The following THSD7B variants were observed in gnomAD, a reference collection of about 807,000 sequenced individuals.
THSD7B encodes thrombospondin type-1 domain-containing protein 7B.
Under a neutral mutation model 213.6 loss-of-function variants are expected in THSD7B, and 138 were observed. The ratio of observed to expected loss-of-function variants is 0.65; its 90% CI spans 0.56 to 0.74. The LOEUF (loss-of-function observed/expected upper bound fraction) is 0.74, where lower values mean the gene tolerates loss of function less well. Among genes scored for constraint, THSD7B ranks in the 30% least tolerant of loss-of-function variants. The pLI is 0.00. For missense variants in THSD7B, 1,931 were observed against 1,991.5 expected (o/e 0.97, Z 0.58); for synonymous variants, 742 against 687.0 (o/e 1.08, Z -1.25).
intron 1 of THSD7B, among the ~76,000 whole-genome samples, chr2:136,820,389 T>G (rs1682547111): frequency 6.6e-6 from 1 of 152,206 alleles, no homozygotes; most frequent in African/African-American, 2.4e-5. Flanking sequence ...CAAAGCCATA[T>G]CACCTGCCTC....
intron 7 of THSD7B, among the ~76,000 whole-genome samples, chr2:137,173,463 T>C (rs1167631574): frequency 6.6e-6 from 1 of 152,208 alleles, no homozygotes. Flanking sequence ...CTGAGCCTTC[T>C]ACAATCATCA....
intron 10 of THSD7B, among the ~76,000 whole-genome samples, chr2:137,245,695 C>T (rs1682014069): frequency 6.6e-6 from 1 of 152,156 alleles, no homozygotes; most frequent in Non-Finnish European, 1.5e-5. Context: ...CTAAACCCAG[C>T]CTAGTATGGG....
At chr2:137,666,755 A>C (rs1225915259) in intron 26 of THSD7B, among the ~76,000 whole-genome samples, 1 of 152,240 alleles carries the variant, frequency 6.6e-6, no homozygotes. Context: ...TTAGAGTGAC[A>C]GAAACAACTC....
At chr2:137,431,633 A>G (rs1047565017) in intron 14 of THSD7B, among the ~76,000 whole-genome samples, 1 of 152,228 alleles carries the variant, frequency 6.6e-6, no homozygotes, top group African/African-American at 2.4e-5. Context: ...AAATCACAAT[A>G]TAAAGGGTTA....
intron 17 of THSD7B, among the ~76,000 whole-genome samples, chr2:137,574,045 T>C (rs1032650025): frequency 6.6e-6 from 1 of 152,144 alleles, no homozygotes; most frequent in Non-Finnish European, 1.5e-5. Flanking sequence ...AATCAACCTA[T>C]AGAAGAATTA....
intron 3 of THSD7B, among the ~76,000 whole-genome samples, chr2:137,069,114 T>C (rs965948472): frequency 2.6e-5 from 4 of 152,082 alleles, no homozygotes; most frequent in Admixed American, 2.0e-4. Context: ...TTGCTTTTAC[T>C]TGTCTCAGTG....
At chr2:137,017,946 G>T (rs1038203608) in intron 2 of THSD7B, among the ~76,000 whole-genome samples, 5 of 151,026 alleles carry the variant, frequency 3.3e-5, no homozygotes, top group African/African-American at 9.7e-5. Context: ...TGTGGTAAGA[G>T]CATCTGTGAG....
intron 17 of THSD7B, among the ~76,000 whole-genome samples, chr2:137,579,518 GCACACACACACGCGCGTGCGCACA>G: frequency 7.1e-6 from 1 of 140,020 alleles, no homozygotes; most frequent in South Asian, 2.5e-4. Flanking sequence ...GTGAGTACAT[GCACACACACACGCGCGTGCGCACA>G]CACACACACA....
intron 10 of THSD7B, among the ~76,000 whole-genome samples, chr2:137,253,749 G>A (rs1381905998): frequency 6.6e-6 from 1 of 152,098 alleles, no homozygotes; most frequent in African/African-American, 2.4e-5. Flanking sequence ...GTTTCCTTCA[G>A]TTTATTAAAT....
At chr2:137,292,368 G>A (rs1209217699) in intron 12 of THSD7B, among the ~76,000 whole-genome samples, 3 of 152,118 alleles carry the variant, frequency 2.0e-5, no homozygotes, top group African/African-American at 7.2e-5. Flanking sequence ...GCTGGTGGAT[G>A]GTGATATGAC....
chr2:137,355,851 A>G (rs1176383538), intron 12 of THSD7B, among the ~76,000 whole-genome samples: 1 of 152,172 alleles, frequency 6.6e-6, no homozygotes, highest in Non-Finnish European at 1.5e-5. Context: ...GTAGAATTGT[A>G]TTGACACATA....
intron 20 of THSD7B, among the ~76,000 whole-genome samples, chr2:137,621,529 C>T (rs1487978939): frequency 6.6e-6 from 1 of 152,068 alleles, no homozygotes; most frequent in Non-Finnish European, 1.5e-5. Context: ...AGTAGTGAGG[C>T]AGGTAAATGA....
chr2:136,825,718 A>ATTTTTTTTTTTTTTTTTT lies in THSD7B; in HGVS notation c.-35-56410_-35-56409insTTTTTTTTTTTTTTTTTT, dbSNP rs55814718. 7.0e-3 allele frequency among the ~76,000 whole-genome samples: 815 copies of ATTTTTTTTTTTTTTTTTT among 116,704 alleles called. 45 individuals are homozygous for ATTTTTTTTTTTTTTTTTT. The highest frequency in any genetic ancestry group is 0.012 in the African/African-American group (351 of 29,814). 76.6% of individuals were successfully genotyped at this position (116,704 alleles called of 152,430 possible). A position where few individuals can be genotyped will look rare whatever the true frequency, so the allele number is the denominator to read the frequency against. On this transcript the variant is annotated intron_variant, in intron 1 of 27. Transcript: ENST00000409968. ...AGGTGCTCACTGCCATGCCTGGCTAATTTTTTTTTTTTTTTTAGATCTGGG... is the reference window on the plus strand; with the variant it reads ...AGGTGCTCACTGCCATGCCTGGCTAATTTTTTTTTTTTTTTTTTTTTTTTTTTTTTTTTTAGATCTGGG...
intron 17 of THSD7B, among the ~76,000 whole-genome samples, chr2:137,602,972 T>G (rs1682104139): frequency 6.6e-6 from 1 of 152,090 alleles, no homozygotes; most frequent in African/African-American, 2.4e-5. Flanking sequence ...CATCCCAGAG[T>G]CTGACTGTCT....
intron 1 of THSD7B, among the ~76,000 whole-genome samples, chr2:136,839,746 C>G (rs1342252765): frequency 6.6e-6 from 1 of 151,748 alleles, no homozygotes; most frequent in African/African-American, 2.4e-5. Flanking sequence ...TTTTTTTCTG[C>G]TGGTTTGGTG....
chr2:137,200,076 C>A (rs1035954468), intron 7 of THSD7B, among the ~76,000 whole-genome samples: 7 of 152,098 alleles, frequency 4.6e-5, no homozygotes, highest in Admixed American at 3.9e-4. Flanking sequence ...ATTTTTCAAT[C>A]TTTAATAATT....
intron 3 of THSD7B, among the ~76,000 whole-genome samples, chr2:137,082,501 A>T (rs1276465940): frequency 2.0e-5 from 3 of 152,136 alleles, no homozygotes; most frequent in Non-Finnish European, 4.4e-5. Context: ...GGTTTTAAAA[A>T]TTTGAATCTA....
intron 14 of THSD7B, among the ~76,000 whole-genome samples, chr2:137,414,164 G>A (rs1686738716): frequency 6.6e-6 from 1 of 152,048 alleles, no homozygotes; most frequent in Non-Finnish European, 1.5e-5. Flanking sequence ...AGCTATTAGG[G>A]AATCTAAGAG....
At chr2:137,312,115 G>A (rs979920703) in intron 12 of THSD7B, among the ~76,000 whole-genome samples, 38 of 151,492 alleles carry the variant, frequency 2.5e-4, no homozygotes, top group African/African-American at 6.3e-4. Context: ...GGTAGAATTC[G>A]GCTGTGAATC....
Sources: gnomAD v4.1 joint callset for allele counts (sites outside exome capture counted in the v4.1 genomes callset) on GRCh38, gnomAD v4.1.1 for gene constraint, MANE v1.5 for transcripts, NCBI Gene and HGNC (gene_info 2026-07-23, HGNC 2026-07-21) for gene names.